MYO18A: variants seen among roughly 807,000 people sequenced by gnomAD.
MYO18A encodes myosin XVIIIA.
A neutral mutation model predicts 235.8 loss-of-function variants in MYO18A; 78 were observed. That is an observed-to-expected ratio of 0.33 (90% CI 0.28 to 0.40). The LOEUF is 0.40. Ranked by LOEUF, MYO18A falls within the 10% of genes least tolerant of loss-of-function variation. The probability of loss-of-function intolerance (pLI) is 1.00; values close to 1 mark genes in which losing one functional copy is unlikely to be tolerated. For synonymous variants in MYO18A, 977 were observed against 1,077.8 expected, an observed-to-expected ratio of 0.91 and a Z score of 1.83; for missense variants, 2,215 against 2,699.3, an observed-to-expected ratio of 0.82 and a Z score of 3.98.
chr17:29,156,205 A>G (rs958390073), intron 2 of MYO18A, among the ~76,000 whole-genome samples: 2 of 152,244 alleles, frequency 1.3e-5, no homozygotes, highest in African/African-American at 4.8e-5. Context: ...GCGGAAGGGA[A>G]GAGGAAGCCC....
At position 29,090,806 on chromosome 17, in the gene MYO18A, G is replaced by T. The variant is rs1344559953; in HGVS notation, c.5304+4C>A. On this transcript the variant is annotated splice_donor_region_variant and intron_variant, in intron 35 of 41. Coordinates refer to ENST00000527372, the MANE Select transcript of MYO18A (RefSeq NM_078471.4). The stretch of plus-strand genomic sequence containing the variant: ...AGTGTGACGGGCACTCCTGGCAGGG[G>T]TACCTGAGCCACGGCAGCCTTGTGC... The T allele has an allele frequency of 6.2e-7, 1 of 1,612,382 alleles. No individual in the cohort carries two copies.
At position 29,105,065 on chromosome 17, in the gene MYO18A, G is replaced by A. The variant is rs545691617; in HGVS notation, c.3442-1401C>T. ...CATGGGCCTGTAGTCCCAGCTACTT[G>A]GGAGGCTGAGGCAGGAGAATCGTGT... On this transcript the variant is annotated intron_variant, in intron 20 of 41. Coordinates refer to ENST00000527372, the MANE Select transcript of MYO18A (RefSeq NM_078471.4). 2.0e-5 allele frequency among the ~76,000 whole-genome samples: 3 copies of A among 151,636 alleles called. No homozygotes were observed. The South Asian group carries it at 6.3e-4, about 32-fold the overall frequency.
At chr17:29,149,646 G>A (rs184560864) in intron 2 of MYO18A, among the ~76,000 whole-genome samples, 1 of 152,250 alleles carries the variant, frequency 6.6e-6, no homozygotes, top group Non-Finnish European at 1.5e-5. Flanking sequence ...AGGCATATGC[G>A]GCCGACTGCA....
chr17:29,134,615 C>T (rs904047694), intron 2 of MYO18A, among the ~76,000 whole-genome samples: 1 of 152,088 alleles, frequency 6.6e-6, no homozygotes, highest in South Asian at 2.1e-4. Context: ...CTCCACCTCC[C>T]GGACTCAAGC....
intron 37 of MYO18A, among the ~76,000 whole-genome samples, 178 bp downstream of exon 37, chr17:29,089,783 C>A (rs922786574): frequency 2.6e-5 from 4 of 152,242 alleles, no homozygotes; most frequent in African/African-American, 9.6e-5. Context: ...TCCACGGTAG[C>A]CAGAGAGCAG....
chr17:29,132,994 C>T (rs2067508431), intron 2 of MYO18A, among the ~76,000 whole-genome samples: 1 of 152,184 alleles, frequency 6.6e-6, no homozygotes, highest in African/African-American at 2.4e-5. Flanking sequence ...GTTCGCAAAC[C>T]ACACAGACAC....
chr17:29,086,832 C>T, intron 38 of MYO18A, 104 bp downstream of exon 38: 1 of 1,341,368 alleles, frequency 7.5e-7, no homozygotes, highest in Non-Finnish European at 1.0e-6. Context: ...GACTCATGTG[C>T]AGTTTCTTTG....
In MYO18A at chr17:29,071,342, A is replaced by T. The variant is rs1298345442; in HGVS notation, c.*3428T>A. ...GGGACCAGAGGTACCATGAGTGTAC[A>T]GGTAAGGTCAACAGCAGAGCCTTCA... On this transcript the variant is annotated 3_prime_UTR_variant, in exon 42 of 42. Coordinates refer to ENST00000527372, the MANE Select transcript of MYO18A (RefSeq NM_078471.4). 1 of 152,362 alleles carries T rather than the reference A, an allele frequency of 6.6e-6. No individual in the cohort carries two copies. The highest frequency in any genetic ancestry group is 1.9e-4 in the East Asian group (1 of 5,182). 9.4% of individuals were successfully genotyped at this position (152,362 alleles called of 1,614,324 possible). A position where few individuals can be genotyped will look rare whatever the true frequency, so the allele number is the denominator to read the frequency against.
At chr17:29,115,506 G>A in intron 12 of MYO18A, 65 bp from the exon 13 acceptor site, 1 of 1,562,596 alleles carries the variant, frequency 6.4e-7, no homozygotes, top group Non-Finnish European at 8.7e-7. Flanking sequence ...GTAAGCCCCT[G>A]ACCTGCCCAG....
At chr17:29,075,193 C>T in intron 41 of MYO18A, 1 of 354,038 alleles carries the variant, frequency 2.8e-6, no homozygotes, top group Non-Finnish European at 5.5e-6. Flanking sequence ...TGGGCCCTTC[C>T]TCTTAGAAAC....
chr17:29,164,131 C>A (rs1201833789), intron 2 of MYO18A, among the ~76,000 whole-genome samples: 1 of 152,152 alleles, frequency 6.6e-6, no homozygotes, highest in Non-Finnish European at 1.5e-5. Context: ...CTCAAGTGAT[C>A]CACCCGCCTC....
chr17:29,125,107 C>T lies in MYO18A; in HGVS notation c.1000-2854G>A, dbSNP rs2067290014. Among the ~76,000 whole-genome samples the T allele has an allele frequency of 6.6e-6, 1 of 152,228 alleles. No individual in the cohort carries two copies. Among genetic ancestry groups the T allele is most frequent in the Non-Finnish European group, 1.5e-5 (1 of 68,028 alleles). ...CCCAAGGCCTGGGCCCCCTGCCAGC[C>T]TCTTGCCTTATCTCCAGAGCATTTC... On this transcript the variant is annotated intron_variant, in intron 2 of 41. Coordinates refer to ENST00000527372, the MANE Select transcript of MYO18A (RefSeq NM_078471.4). The surrounding 1 kb of genome is among the most constrained non-coding windows in gnomAD (Gnocchi z 5.1).
chr17:29,096,693 C>T (rs896784014), intron 28 of MYO18A, 68 bp downstream of exon 28: 26 of 1,447,252 alleles, frequency 1.8e-5, no homozygotes, highest in African/African-American at 5.7e-5. Flanking sequence ...CCCTGGAGGG[C>T]GAGGAGGCAG....
At chr17:29,080,083 C>A in intron 41 of MYO18A, 1 of 985,966 alleles carries the variant, frequency 1.0e-6, no homozygotes, top group Non-Finnish European at 1.2e-6. Context: ...GCTCTTCCGG[C>A]CGCTGCGGGA....
At chr17:29,145,512 A>T (rs2067829034) in intron 2 of MYO18A, among the ~76,000 whole-genome samples, 1 of 152,172 alleles carries the variant, frequency 6.6e-6, no homozygotes, top group African/African-American at 2.4e-5. Context: ...TAATACCTCA[A>T]GGCGAACACT....
At chr17:29,104,655 G>C (rs749361579) in intron 20 of MYO18A, among the ~76,000 whole-genome samples, 2 of 152,108 alleles carry the variant, frequency 1.3e-5, no homozygotes, top group Non-Finnish European at 2.9e-5. Flanking sequence ...TGATGAGTGT[G>C]AATGAGGATG....
intron 2 of MYO18A, chr17:29,128,637 C>CT: frequency 1.0e-6 from 1 of 978,530 alleles, no homozygotes; most frequent in Non-Finnish European, 1.3e-6. Flanking sequence ...ACCTCACGCC[C>CT]TGGAACAGAT....
At chr17:29,103,512 T>G in intron 21 of MYO18A, 87 bp downstream of exon 21, 1 of 1,340,190 alleles carries the variant, frequency 7.5e-7, no homozygotes, top group Admixed American at 1.7e-5. Flanking sequence ...GATGTCTGGC[T>G]GAGCAAAGAG....
chr17:29,107,115 G>A lies in MYO18A; in HGVS notation c.3406C>T (p.His1136Tyr), dbSNP rs1484697658. 1 of 1,613,934 alleles carries A rather than the reference G, an allele frequency of 6.2e-7. No homozygotes were observed. The highest frequency in any genetic ancestry group is 8.5e-7 in the Non-Finnish European group (1 of 1,179,910). ...TCCACCACGATGTAGTTACGCCCGT[G>A]TTTCTTGGTCAGGTGCGGGGCCAGG... ...DVLAPHLTKK[H>Y]GRNYIVVDER... is the part of the protein sequence containing the mutation. Residue 1136 changes from histidine (H) to tyrosine (Y), a missense_variant, in exon 20 of 42, where the codon CAC becomes TAC. His to Tyr is a moderately conservative substitution (Grantham distance 83, BLOSUM62 2). Coordinates refer to ENST00000527372, the MANE Select transcript of MYO18A (RefSeq NM_078471.4).
Sources: gnomAD v4.1 joint callset for allele counts (sites outside exome capture counted in the v4.1 genomes callset) on GRCh38, gnomAD v4.1.1 for gene constraint, Gnocchi (gnomAD v3.1) non-coding constraint, MANE v1.5 for transcripts, NCBI Gene and HGNC (gene_info 2026-07-23, HGNC 2026-07-21) for gene names.